LMO7: variants seen among roughly 807,000 people sequenced by gnomAD.
The protein encoded by LMO7 is LIM domain 7.
LMO7 carries 120 observed loss-of-function variants against 206.5 expected under a neutral mutation model. The ratio of observed to expected loss-of-function variants is 0.58; its 90% CI spans 0.50 to 0.68. LMO7 has a LOEUF of 0.68. Among genes scored for constraint, LMO7 ranks in the 30% least tolerant of loss-of-function variants. The probability of loss-of-function intolerance (pLI) is 0.00; values close to 1 mark genes in which losing one functional copy is unlikely to be tolerated. For missense variants in LMO7, 1,959 were observed against 1,957.9 expected (o/e 1.00, Z -0.01); for synonymous variants, 706 against 681.5 (o/e 1.04, Z -0.56).
intron 3 of LMO7, among the ~76,000 whole-genome samples, chr13:75,756,717 C>A (rs2047708642): frequency 6.6e-6 from 1 of 152,088 alleles, no homozygotes; most frequent in Non-Finnish European, 1.5e-5. Context: ...GGTAACTTGT[C>A]TTAGTTCACT....
intron 3 of LMO7, among the ~76,000 whole-genome samples, chr13:75,752,331 A>T (rs571009470): frequency 2.0e-5 from 3 of 151,998 alleles, no homozygotes; most frequent in Non-Finnish European, 4.4e-5. Flanking sequence ...GGGTTTCACC[A>T]TGAGTTATTC....
At chr13:75,776,608 ATAGGT>A (rs2050536772) in intron 4 of LMO7, among the ~76,000 whole-genome samples, 1 of 152,190 alleles carries the variant, frequency 6.6e-6, no homozygotes, top group African/African-American at 2.4e-5. Context: ...AAAAATTGAC[ATAGGT>A]TAGGAGGAGA....
chr13:75,674,526 A>G (rs1198485770), intron 1 of LMO7, among the ~76,000 whole-genome samples: 2 of 152,218 alleles, frequency 1.3e-5, no homozygotes, highest in African/African-American at 4.8e-5. Flanking sequence ...AGAAAAATAT[A>G]ATTGAAGTAA....
intron 15 of LMO7, among the ~76,000 whole-genome samples, chr13:75,826,305 GT>G (rs1248096771): frequency 6.6e-6 from 1 of 152,096 alleles, no homozygotes; most frequent in Non-Finnish European, 1.5e-5. Flanking sequence ...GCCTCCAAAA[GT>G]GCTGGGATTA....
At chr13:75,779,755 T>C (rs1277127862) in intron 4 of LMO7, among the ~76,000 whole-genome samples, 2 of 152,214 alleles carry the variant, frequency 1.3e-5, no homozygotes, top group African/African-American at 4.8e-5. Flanking sequence ...AGTAGCTTTA[T>C]ACAAGTTATC....
intron 4 of LMO7, among the ~76,000 whole-genome samples, chr13:75,769,209 G>A (rs2049307251): frequency 1.3e-5 from 2 of 151,984 alleles, no homozygotes; most frequent in Non-Finnish European, 2.9e-5. Flanking sequence ...TAGAGTTTAG[G>A]TTAATGGAGC....
At chr13:75,850,971 G>A (rs182506542) in intron 27 of LMO7, among the ~76,000 whole-genome samples, 8 of 152,298 alleles carry the variant, frequency 5.3e-5, no homozygotes, top group African/African-American at 9.6e-5. Flanking sequence ...CTGCATATGG[G>A]CCTCTCCACA....
intron 29 of LMO7, among the ~76,000 whole-genome samples, 191 bp from the exon 30 acceptor site, chr13:75,856,315 A>G (rs1157261570): frequency 6.6e-6 from 1 of 152,142 alleles, no homozygotes; most frequent in Non-Finnish European, 1.5e-5. Flanking sequence ...TGGCTTTATG[A>G]ATTCTTTAAC....
In LMO7 at chr13:75,843,029, A is replaced by G; in HGVS notation, c.4097+113A>G. 5.7e-6 allele frequency: 4 copies of G among 703,266 alleles called. No homozygotes were observed. In the South Asian group the frequency reaches 6.6e-5, roughly 12 times the overall value. The allele number at this position is 703,266 out of a possible 1,614,324, so 43.6% of individuals were successfully genotyped here. A position where few individuals can be genotyped will look rare whatever the true frequency, so the allele number is the denominator to read the frequency against. On this transcript the variant is annotated intron_variant, in intron 25 of 30. Coordinates refer to ENST00000377534, the MANE Select transcript of LMO7 (RefSeq NM_001306080.2). ...TTTAGCCCTTTGTCATTTGTGGGGT[A>G]TAAAGAGGAATTGCTGGTTGATCTT...
intron 11 of LMO7, among the ~76,000 whole-genome samples, chr13:75,811,708 C>T (rs1048655083): frequency 2.0e-5 from 3 of 152,092 alleles, no homozygotes; most frequent in Non-Finnish European, 2.9e-5. Context: ...ATGTGGTAGT[C>T]GTTTCTTCTA....
intron 1 of LMO7, among the ~76,000 whole-genome samples, chr13:75,679,006 G>A (rs1390304951): frequency 6.6e-6 from 1 of 152,184 alleles, no homozygotes; most frequent in Non-Finnish European, 1.5e-5. Context: ...CAGTGATAAA[G>A]CCTTCTTTTC....
intron 3 of LMO7, among the ~76,000 whole-genome samples, chr13:75,759,873 G>A (rs2048005207): frequency 6.6e-6 from 1 of 152,120 alleles, no homozygotes; most frequent in Admixed American, 6.6e-5. Context: ...TCGCCTCTTA[G>A]GGAGGGAGGT....
At chr13:75,844,694 C>A (rs2059846717) in intron 25 of LMO7, among the ~76,000 whole-genome samples, 1 of 152,162 alleles carries the variant, frequency 6.6e-6, no homozygotes, top group East Asian at 1.9e-4. Flanking sequence ...CAGGAGTGAG[C>A]CACCAAGCCC....
intron 1 of LMO7, among the ~76,000 whole-genome samples, chr13:75,699,019 T>C (rs745854332): frequency 6.6e-6 from 1 of 152,164 alleles, no homozygotes; most frequent in East Asian, 1.9e-4. Context: ...TTTTTGTTCC[T>C]AGGATTACCT....
At chr13:75,821,671 C>A in intron 14 of LMO7, 62 bp downstream of exon 14, 2 of 1,217,482 alleles carry the variant, frequency 1.6e-6, no homozygotes, top group Non-Finnish European at 2.3e-6. Flanking sequence ...TGAACTTGTG[C>A]AGAGGTTGGG....
chr13:75,825,346 C>G (rs923333235), intron 15 of LMO7, among the ~76,000 whole-genome samples: 1 of 152,082 alleles, frequency 6.6e-6, no homozygotes, highest in African/African-American at 2.4e-5. Flanking sequence ...ATAGCAAATT[C>G]AACAAAGCAG....
At chr13:75,711,627 C>T (rs1347893554) in intron 1 of LMO7, among the ~76,000 whole-genome samples, 1 of 152,214 alleles carries the variant, frequency 6.6e-6, no homozygotes, top group Non-Finnish European at 1.5e-5. Context: ...CCCCCCTGTC[C>T]TGCACCCACT....
intron 1 of LMO7, among the ~76,000 whole-genome samples, chr13:75,669,106 T>C (rs1325943721): frequency 3.3e-5 from 5 of 152,148 alleles, no homozygotes; most frequent in Non-Finnish European, 7.4e-5. Context: ...GGAAAAAGAT[T>C]CCAAAGTAAG....
At chr13:75,849,333 G>T in intron 27 of LMO7, 41 bp downstream of exon 27, 3 of 1,452,066 alleles carry the variant, frequency 2.1e-6, no homozygotes, top group Non-Finnish European at 2.9e-6. Flanking sequence ...TCTTTACTGT[G>T]AGGCAGATAT....
Sources: gnomAD v4.1 joint callset for allele counts (sites outside exome capture counted in the v4.1 genomes callset) on GRCh38, gnomAD v4.1.1 for gene constraint, MANE v1.5 for transcripts, NCBI Gene and HGNC (gene_info 2026-07-23, HGNC 2026-07-21) for gene names.